PTPRN2: variants seen among roughly 807,000 people sequenced by gnomAD.
The protein encoded by PTPRN2 is protein tyrosine phosphatase receptor type N2.
A neutral mutation model predicts 118.8 loss-of-function variants in PTPRN2; 74 were observed. The observed-to-expected ratio is 0.62, with a 90% CI of 0.52 to 0.76. PTPRN2 has a LOEUF of 0.76. PTPRN2 is among the 30% of genes least tolerant of loss of function. The probability of loss-of-function intolerance (pLI) is 0.00; values close to 1 mark genes in which losing one functional copy is unlikely to be tolerated. For synonymous variants in PTPRN2, 641 were observed against 608.0 expected (o/e 1.05, Z -0.80); for missense variants, 1,481 against 1,394.4 (o/e 1.06, Z -0.99).
intron 11 of PTPRN2, among the ~76,000 whole-genome samples, chr7:157,959,250 C>T (rs988656314): frequency 1.3e-5 from 2 of 152,162 alleles, no homozygotes; most frequent in East Asian, 3.8e-4. Context: ...CAAGATGAAA[C>T]TATAAAGCTC....
At chr7:157,612,139 T>G (rs1044413644) in intron 15 of PTPRN2, among the ~76,000 whole-genome samples, 4 of 152,226 alleles carry the variant, frequency 2.6e-5, no homozygotes, top group African/African-American at 9.6e-5. Context: ...GAGCAGCACC[T>G]GGTGCCTGCA....
At chr7:158,528,806 G>GAAAA (rs59416367) in intron 1 of PTPRN2, among the ~76,000 whole-genome samples, 272 of 117,366 alleles carry the variant, frequency 2.3e-3, no homozygotes, top group African/African-American at 8.2e-3. Flanking sequence ...CTCAAAAACG[G>GAAAA]AAAAAAAAAA....
chr7:158,331,073 T>G (rs202082863), intron 2 of PTPRN2, among the ~76,000 whole-genome samples: 5 of 125,712 alleles, frequency 4.0e-5, no homozygotes, highest in African/African-American at 1.5e-4. Context: ...ACACCCACAC[T>G]CTCACCATAA....
intron 12 of PTPRN2, among the ~76,000 whole-genome samples, chr7:157,872,319 C>G (rs1182327935): frequency 6.8e-6 from 1 of 147,798 alleles, no homozygotes; most frequent in African/African-American, 2.5e-5. Context: ...AGTGTCCTCC[C>G]CACACACCCA....
chr7:158,372,764 T>C (rs1447247483), intron 2 of PTPRN2, among the ~76,000 whole-genome samples: 1 of 152,224 alleles, frequency 6.6e-6, no homozygotes, highest in Admixed American at 6.5e-5. Flanking sequence ...TTTATTTCTG[T>C]TTTTTATACA....
At chr7:158,384,698 C>A (rs145940563) in intron 2 of PTPRN2, among the ~76,000 whole-genome samples, 40 of 152,302 alleles carry the variant, frequency 2.6e-4, no homozygotes, top group Non-Finnish European at 4.9e-4. Context: ...AAACTGTGTG[C>A]ATAACACCCA....
At chr7:157,830,426 C>T (rs1393652493) in intron 12 of PTPRN2, among the ~76,000 whole-genome samples, 5 of 152,208 alleles carry the variant, frequency 3.3e-5, no homozygotes, top group East Asian at 1.9e-4. Context: ...TTTACCAAAG[C>T]GACTGCACTT....
chr7:157,651,366 C>G (rs1684714101), intron 14 of PTPRN2, among the ~76,000 whole-genome samples: 1 of 152,208 alleles, frequency 6.6e-6, no homozygotes, highest in Admixed American at 6.5e-5. Context: ...CTGTCCATAT[C>G]CTCATCTTCA....
chr7:158,017,747 G>C (rs540629820), intron 11 of PTPRN2, among the ~76,000 whole-genome samples: 44 of 152,216 alleles, frequency 2.9e-4, no homozygotes, highest in Non-Finnish European at 5.1e-4. Flanking sequence ...CCCAGCCAGG[G>C]CTGGGCGGCC....
chr7:158,220,948 A>G (rs564735383), intron 3 of PTPRN2, among the ~76,000 whole-genome samples: 1 of 152,154 alleles, frequency 6.6e-6, no homozygotes, highest in African/African-American at 2.4e-5. Flanking sequence ...GAGGAATCAC[A>G]CTACCTGACT....
chr7:158,404,203 G>A (rs1428047654), intron 2 of PTPRN2, among the ~76,000 whole-genome samples: 3 of 152,202 alleles, frequency 2.0e-5, no homozygotes, highest in East Asian at 3.8e-4. Context: ...TTCACTGGAC[G>A]TCACCAGAAC....
chr7:158,416,703 C>T (rs1814684765), intron 2 of PTPRN2, among the ~76,000 whole-genome samples: 1 of 152,224 alleles, frequency 6.6e-6, no homozygotes, highest in Admixed American at 6.5e-5. Context: ...AGACAGCCTG[C>T]TGGGAAACAT....
At chr7:158,231,388 A>G (rs1829155421) in intron 3 of PTPRN2, among the ~76,000 whole-genome samples, 1 of 152,226 alleles carries the variant, frequency 6.6e-6, no homozygotes, top group Admixed American at 6.5e-5. Context: ...GAACATCACT[A>G]TATAGTGATA....
At position 158,171,348 on chromosome 7, in the gene PTPRN2, T is replaced by TATACAC. The variant is rs1554571717; in HGVS notation, c.550-4058_550-4057insGTGTAT. On this transcript the variant is annotated intron_variant, in intron 5 of 22. Coordinates refer to ENST00000389418, the MANE Select transcript of PTPRN2 (RefSeq NM_002847.5). ...ATATATATATATATATATATATATATACACACACACATTTTTTTAAGACAT... is the reference window on the plus strand; with the variant it reads ...ATATATATATATATATATATATATATATACACACACACACACATTTTTTTAAGACAT... 1.0e-3 allele frequency among the ~76,000 whole-genome samples: 93 copies of TATACAC among 89,976 alleles called. 3 individuals carry two copies. Among genetic ancestry groups the TATACAC allele is most frequent in the East Asian group, 8.0e-3 (26 of 3,254 alleles). 59.0% of individuals were successfully genotyped at this position (89,976 alleles called of 152,430 possible).
intron 11 of PTPRN2, among the ~76,000 whole-genome samples, chr7:157,993,923 TG>T (rs1023478418): frequency 8.5e-5 from 13 of 152,264 alleles, no homozygotes; most frequent in African/African-American, 3.1e-4. Flanking sequence ...CTGAGCTCAC[TG>T]GGTCTCCCTG....
At chr7:158,436,161 C>CT (rs1366998339) in intron 2 of PTPRN2, among the ~76,000 whole-genome samples, 3 of 152,226 alleles carry the variant, frequency 2.0e-5, no homozygotes, top group Non-Finnish European at 4.4e-5. Flanking sequence ...CCTGAGAACA[C>CT]TAACTCCTTT....
At chr7:157,562,054 GC>G (rs1305579475) in intron 21 of PTPRN2, among the ~76,000 whole-genome samples, 1 of 151,440 alleles carries the variant, frequency 6.6e-6, no homozygotes, top group Non-Finnish European at 1.5e-5. Context: ...GGAAGGGTGC[GC>G]CCCCCACGCC....
At chr7:157,575,977 T>A (rs1019064591) in intron 19 of PTPRN2, among the ~76,000 whole-genome samples, 7 of 152,238 alleles carry the variant, frequency 4.6e-5, no homozygotes, top group Non-Finnish European at 1.5e-5. Flanking sequence ...ATCAAAGCTG[T>A]GGTCTTAAAT....
intron 12 of PTPRN2, among the ~76,000 whole-genome samples, chr7:157,701,080 A>C (rs1348279248): frequency 6.6e-6 from 1 of 152,086 alleles, no homozygotes; most frequent in Non-Finnish European, 1.5e-5. Flanking sequence ...CTACTTTCCC[A>C]TATTTTATTT....
Sources: gnomAD v4.1 joint callset for allele counts (sites outside exome capture counted in the v4.1 genomes callset) on GRCh38, gnomAD v4.1.1 for gene constraint, MANE v1.5 for transcripts, NCBI Gene and HGNC (gene_info 2026-07-23, HGNC 2026-07-21) for gene names.